Variants in ASIP observed in about 807,000 individuals in gnomAD.
The protein encoded by ASIP is agouti signaling protein, also known as agouti-signaling protein.
A neutral mutation model predicts 10.3 loss-of-function variants in ASIP; 11 were observed. The ratio of observed to expected loss-of-function variants is 1.07; its 90% confidence interval spans 0.68 to 1.78. The LOEUF is 1.78. Among genes scored for constraint, ASIP ranks in the 40% most tolerant of loss-of-function variants. The pLI, the probability that ASIP is intolerant of heterozygous loss-of-function variation, is 0.00. For missense variants in ASIP, 180 were observed against 169.2 expected (o/e 1.06, Z -0.35); for synonymous variants, 70 against 70.8 (o/e 0.99, Z 0.06).
At chr20:34,192,881 C>T (rs2034833208), upstream of ASIP, among the ~76,000 whole-genome samples, 1 of 152,176 alleles carries the variant, frequency 6.6e-6, no homozygotes, top group South Asian at 2.1e-4. Flanking sequence ...TTCATACATG[C>T]ATAAAATATA....
chr20:34,235,786 G>GAAGAAAGAAAGA lies in ASIP; in HGVS notation c.-10-24533_-10-24522dup, dbSNP rs572242709. ...TGTGACAGAGTGAGACTCTGAGAAA[G>GAAGAAAGAAAGA]AAGAAAGAAAGAAAGAAAGAAAGAA... is the stretch of plus-strand genomic sequence containing the variant. On this transcript the variant is annotated intron_variant, in intron 1 of 3. Coordinates refer to the ASIP transcript ENST00000568305. Among the ~76,000 whole-genome samples, 174 of 61,374 alleles carry GAAGAAAGAAAGA rather than the reference G, an allele frequency of 2.8e-3. 7 individuals are homozygous for GAAGAAAGAAAGA. The highest frequency in any genetic ancestry group is 4.2e-3 in the Non-Finnish European group (125 of 29,722). The allele number at this position is 61,374 out of a possible 152,430, so 40.3% of individuals were successfully genotyped here.
At chr20:34,265,921 G>C (rs1452753571) in intron 3 of ASIP, among the ~76,000 whole-genome samples, 2 of 151,902 alleles carry the variant, frequency 1.3e-5, no homozygotes, top group African/African-American at 4.8e-5. Flanking sequence ...CTGCACCCTA[G>C]CCTGGGCGAC....
chr20:34,266,381 AGGCAGATTAGGCCAGGCACGGT>A (rs1011025365), intron 3 of ASIP, among the ~76,000 whole-genome samples: 1 of 151,040 alleles, frequency 6.6e-6, no homozygotes, highest in African/African-American at 2.4e-5. Flanking sequence ...AAAAAATAAA[AGGCAGATTAGGCCAGGCACGGT>A]GGCTCATAAC....
rs144652309 is a variant in ASIP at position 34,263,853 on chromosome 20, T to G, written c.222+960T>G. On this transcript the variant is annotated intron_variant, in intron 3 of 3. Coordinates refer to ENST00000374954, the MANE Select transcript of ASIP (RefSeq NM_001672.3). ...CCAGCTAATGTTTTTGTATTTTTAG[T>G]AGAGATGGGGTTTCGCCAAGTTTGT... Among the ~76,000 whole-genome samples, 574 of 151,956 alleles carry G rather than the reference T, an allele frequency of 3.8e-3. 2 individuals carry two copies. The highest frequency in any genetic ancestry group is 6.7e-3 in the Non-Finnish European group (455 of 67,970).
At chr20:34,233,773 C>G (rs2035142587) in intron 1 of ASIP, among the ~76,000 whole-genome samples, 1 of 152,092 alleles carries the variant, frequency 6.6e-6, no homozygotes, top group South Asian at 2.1e-4. Context: ...TTTCAAGGGC[C>G]ACAATGATGT....
chr20:34,217,844 T>G (rs2035020361), intron 1 of ASIP, among the ~76,000 whole-genome samples: 1 of 152,324 alleles, frequency 6.6e-6, no homozygotes, highest in Admixed American at 6.5e-5. Flanking sequence ...TTAACAGGCG[T>G]GAGCCACCGC....
chr20:34,217,804 C>T (rs1568749582), intron 1 of ASIP, among the ~76,000 whole-genome samples: 2 of 152,164 alleles, frequency 1.3e-5, no homozygotes, highest in Non-Finnish European at 2.9e-5. Context: ...CCTCGTGATC[C>T]GCCCGCCTCG....
chr20:34,198,223 G>A (rs911055125), intron 1 of ASIP, among the ~76,000 whole-genome samples: 6 of 151,944 alleles, frequency 3.9e-5, no homozygotes, highest in African/African-American at 1.5e-4. Context: ...CCAAGTAGCT[G>A]GGACTACAGC....
intron 1 of ASIP, among the ~76,000 whole-genome samples, chr20:34,234,434 G>A (rs1023892506): frequency 6.6e-6 from 1 of 152,138 alleles, no homozygotes; most frequent in African/African-American, 2.4e-5. Flanking sequence ...TTGTGGTTGA[G>A]GCCAGGCATC....
the ASIP span, among the ~76,000 whole-genome samples, chr20:34,188,655 A>G: frequency 6.6e-6 from 1 of 152,216 alleles, no homozygotes; most frequent in Admixed American, 6.5e-5. Context: ...TGACAGTAAC[A>G]TGCTATAAAT....
chr20:34,266,750 C>G (rs979475318), intron 3 of ASIP, among the ~76,000 whole-genome samples: 1 of 152,354 alleles, frequency 6.6e-6, no homozygotes, highest in South Asian at 2.1e-4. Context: ...TAGCACCAAA[C>G]TGACCCTTTC....
chr20:34,254,703 A>C (rs571410031), intron 1 of ASIP, among the ~76,000 whole-genome samples: 1 of 152,308 alleles, frequency 6.6e-6, no homozygotes, highest in African/African-American at 2.4e-5. Context: ...TTAACATAAT[A>C]TATGGATGAT....
At chr20:34,214,411 G>A in intron 1 of ASIP, 1 of 1,443,930 alleles carries the variant, frequency 6.9e-7, no homozygotes, top group Non-Finnish European at 9.7e-7. Context: ...GATGTTACCA[G>A]AGTTCGCATC....
upstream of ASIP, among the ~76,000 whole-genome samples, chr20:34,194,337 T>C (rs1038917391): frequency 2.6e-5 from 4 of 152,118 alleles, no homozygotes; most frequent in Non-Finnish European, 5.9e-5. Flanking sequence ...TTTTTAGTCT[T>C]TAGACTACTT....
chr20:34,248,160 C>G (rs1027519504), intron 1 of ASIP, among the ~76,000 whole-genome samples: 1 of 151,776 alleles, frequency 6.6e-6, no homozygotes, highest in African/African-American at 2.4e-5. Flanking sequence ...GAGCCAAGAT[C>G]GCACCACTGC....
At chr20:34,219,179 T>A (rs2035029118) in intron 1 of ASIP, among the ~76,000 whole-genome samples, 1 of 152,108 alleles carries the variant, frequency 6.6e-6, no homozygotes, top group South Asian at 2.1e-4. Flanking sequence ...TAGGCTAAAC[T>A]AGATAATGTC....
In ASIP at chr20:34,265,231, A is replaced by C. The variant is rs151193833; in HGVS notation, c.222+2338A>C. Among the ~76,000 whole-genome samples, 255 of 152,312 alleles carry C rather than the reference A, an allele frequency of 1.7e-3. 1 individual carries two copies. Among genetic ancestry groups the C allele is most frequent in the African/African-American group, 5.8e-3 (241 of 41,556 alleles). ...TAGTTAAGTTTTTGAGGAGTCAAAA[A>C]TAATATGAGGGCCAGGCACGGTGGC... On this transcript the variant is annotated intron_variant, in intron 3 of 3. Transcript: ENST00000374954.
At chr20:34,265,033 C>T (rs1351479486) in intron 3 of ASIP, among the ~76,000 whole-genome samples, 1 of 151,960 alleles carries the variant, frequency 6.6e-6, no homozygotes, top group Non-Finnish European at 1.5e-5. Context: ...TGAGTTCAGG[C>T]AATCCGCTGC....
chr20:34,239,904 G>T (rs748112143), upstream of ASIP, among the ~76,000 whole-genome samples: 6 of 152,170 alleles, frequency 3.9e-5, no homozygotes, highest in Non-Finnish European at 8.8e-5. Context: ...GAGCCTCTAA[G>T]CTCCACATTA....
Sources: gnomAD v4.1 joint callset for allele counts (sites outside exome capture counted in the v4.1 genomes callset) on GRCh38, gnomAD v4.1.1 for gene constraint, MANE v1.5 for transcripts, NCBI Gene and HGNC (gene_info 2026-07-23, HGNC 2026-07-21) for gene names.